The following DSCAM variants were observed in gnomAD, a reference collection of about 807,000 sequenced individuals.
DSCAM encodes the protein DS cell adhesion molecule, also known as cell adhesion molecule DSCAM.
Under a neutral mutation model 217.7 loss-of-function variants are expected in DSCAM, and 47 were observed. That is an observed-to-expected ratio of 0.22 (90% CI 0.17 to 0.28). The LOEUF (loss-of-function observed/expected upper bound fraction) is 0.28, where lower values mean the gene tolerates loss of function less well. DSCAM is among the 10% of genes least tolerant of loss of function. The pLI is 1.00. For missense variants in DSCAM, 2,080 were observed against 2,618.3 expected (o/e 0.79, Z 4.49); for synonymous variants, 1,056 against 1,015.3 (o/e 1.04, Z -0.76).
chr21:40,407,939 A>G (rs117187284), intron 3 of DSCAM, among the ~76,000 whole-genome samples: 1 of 152,366 alleles, frequency 6.6e-6, no homozygotes, highest in East Asian at 1.9e-4. Flanking sequence ...ATCCAGAGGA[A>G]TATCTTGATG....
intron 1 of DSCAM, among the ~76,000 whole-genome samples, chr21:40,753,810 G>T (rs765262449): frequency 1.3e-5 from 2 of 152,188 alleles, no homozygotes; most frequent in Non-Finnish European, 2.9e-5. Context: ...AGCAAAAAAT[G>T]AAGTTTTATA....
intron 28 of DSCAM, among the ~76,000 whole-genome samples, chr21:40,061,523 C>G (rs1238293617): frequency 6.7e-6 from 1 of 150,162 alleles, no homozygotes; most frequent in Admixed American, 6.7e-5. Context: ...GAGCCAAGAC[C>G]GCACCATTGC....
chr21:40,230,459 C>A (rs1280521586), intron 11 of DSCAM, among the ~76,000 whole-genome samples: 2 of 152,186 alleles, frequency 1.3e-5, no homozygotes, highest in Non-Finnish European at 2.9e-5. Context: ...TCTGTGAGCA[C>A]TGACCTTTTA....
At chr21:40,266,685 A>G (rs1386445869) in intron 11 of DSCAM, among the ~76,000 whole-genome samples, 3 of 120,936 alleles carry the variant, frequency 2.5e-5, no homozygotes, top group African/African-American at 9.9e-5. Context: ...TTGAAATTTT[A>G]TATATATAAA....
chr21:40,506,469 T>C (rs1384536072), intron 3 of DSCAM, among the ~76,000 whole-genome samples: 6 of 152,322 alleles, frequency 3.9e-5, no homozygotes, highest in South Asian at 2.1e-4. Context: ...TCTTGCTTCA[T>C]TGGAAAAATC....
intron 3 of DSCAM, among the ~76,000 whole-genome samples, chr21:40,627,689 C>T (rs901200823): frequency 6.6e-6 from 1 of 152,194 alleles, no homozygotes; most frequent in African/African-American, 2.4e-5. Context: ...CTTACTTAAA[C>T]TCCTTTATCA....
rs1309589197 is a variant in DSCAM at position 40,545,634 on chromosome 21, G to A, written c.508+147176C>T. ...TCCTCATCTCTAAAACAGGTGTCCTGGGACACTTGGCAGGGGTAAGAATTG... is the reference window on the plus strand; with the variant it reads ...TCCTCATCTCTAAAACAGGTGTCCTAGGACACTTGGCAGGGGTAAGAATTG... On this transcript the variant is annotated intron_variant, in intron 3 of 32. Transcript: ENST00000400454. Among the ~76,000 whole-genome samples the A allele has an allele frequency of 2.6e-5, 4 of 152,194 alleles. No homozygotes were observed. The South Asian group carries it at 8.3e-4, about 32-fold the overall frequency.
intron 3 of DSCAM, among the ~76,000 whole-genome samples, chr21:40,459,212 G>A (rs958499001): frequency 6.6e-6 from 1 of 152,138 alleles, no homozygotes; most frequent in African/African-American, 2.4e-5. Flanking sequence ...AAATTAGATT[G>A]TTGATTAAAC....
At chr21:40,151,766 GC>G (rs2090425178) in intron 16 of DSCAM, among the ~76,000 whole-genome samples, 1 of 152,164 alleles carries the variant, frequency 6.6e-6, no homozygotes, top group Admixed American at 6.5e-5. Context: ...TAGTGTGACA[GC>G]CGGGAAGTGT....
chr21:40,286,756 TGTGATCCACAGGTGGATCTGAAGC>T, intron 10 of DSCAM, among the ~76,000 whole-genome samples: 1 of 140,480 alleles, frequency 7.1e-6, no homozygotes, highest in Admixed American at 6.8e-5. Context: ...TGATCTGCAG[TGTGATCCACAGGTGGATCTGAAGC>T]GTGATCTGCA....
intron 13 of DSCAM, among the ~76,000 whole-genome samples, chr21:40,187,617 C>T (rs972072067): frequency 2.0e-5 from 3 of 152,138 alleles, no homozygotes; most frequent in African/African-American, 7.2e-5. Flanking sequence ...GAAATTCCAC[C>T]GCTGTACTTG....
chr21:40,469,584 T>C (rs2145964850), intron 3 of DSCAM, among the ~76,000 whole-genome samples: 1 of 152,348 alleles, frequency 6.6e-6, no homozygotes, highest in South Asian at 2.1e-4. Flanking sequence ...CAACTTGGCT[T>C]GACACTTAAT....
chr21:40,525,325 A>G (rs2146097250), intron 3 of DSCAM, among the ~76,000 whole-genome samples: 1 of 152,318 alleles, frequency 6.6e-6, no homozygotes, highest in African/African-American at 2.4e-5. Context: ...AGAATGAGGC[A>G]TGTCTTCCTC....
chr21:40,617,568 T>G (rs1748817531), intron 3 of DSCAM, among the ~76,000 whole-genome samples: 1 of 152,236 alleles, frequency 6.6e-6, no homozygotes. Flanking sequence ...CTAGGGTTTC[T>G]CAAGCTTGGC....
rs1330694885 is a variant in DSCAM, at chr21:40,276,230, G to A, written c.2223C>T (p.Gly741=). The change falls in exon 11 of 33, where the codon GGC becomes GGT. Residue 741 remains glycine (G), a synonymous_variant. Coordinates refer to ENST00000400454, the MANE Select transcript of DSCAM (RefSeq NM_001389.5). ...ACCCATTGCTGAGAACTTGGATTCG[G>A]CCATTTAGGGCAATTGGCTGGAACT... The part of the protein sequence containing the change: ...VPQFQPIALN[G]RIQVLSNGSL... 6.2e-7 allele frequency: 1 copy of A among 1,610,812 alleles called. No individual in the cohort carries two copies.
At position 40,665,740 on chromosome 21, in the gene DSCAM, C is replaced by T. The variant is rs569558293; in HGVS notation, c.508+27070G>A. Among the ~76,000 whole-genome samples, 5 of 152,296 alleles carry T rather than the reference C, an allele frequency of 3.3e-5. No individual in the cohort carries two copies. In the East Asian group the frequency reaches 5.8e-4, roughly 18 times the overall value. On this transcript the variant is annotated intron_variant, in intron 3 of 32. Coordinates refer to ENST00000400454, the MANE Select transcript of DSCAM (RefSeq NM_001389.5). Reference sequence around the variant, plus strand: ...TCCACCCTGGGCACCCCATCTGTGCCGGGTCTGGTCCATGGCAATGCCCAA... The same window carrying T: ...TCCACCCTGGGCACCCCATCTGTGCTGGGTCTGGTCCATGGCAATGCCCAA...
In DSCAM at chr21:40,636,594, A is replaced by G. The variant is rs1308836722; in HGVS notation, c.508+56216T>C. 5.3e-5 allele frequency among the ~76,000 whole-genome samples: 8 copies of G among 152,254 alleles called. No individual in the cohort carries two copies. In the East Asian group the frequency reaches 1.6e-3, roughly 30 times the overall value. On this transcript the variant is annotated intron_variant, in intron 3 of 32. Transcript: ENST00000400454. ...CTTTTTCCAGGGTAGTCCCTCTAAC[A>G]TAGAAAAATATGCCTTGGCATCACT... is the stretch of plus-strand genomic sequence containing the variant.
At chr21:40,654,098 AAGAAAAAG>A (rs1207648185) in intron 3 of DSCAM, among the ~76,000 whole-genome samples, 6 of 114,468 alleles carry the variant, frequency 5.2e-5, no homozygotes, top group African/African-American at 8.3e-5. Flanking sequence ...CCATCTCAAA[AAGAAAAAG>A]AAAAAAGAAA....
At chr21:40,504,029 A>T (rs940979738) in intron 3 of DSCAM, among the ~76,000 whole-genome samples, 1 of 152,202 alleles carries the variant, frequency 6.6e-6, no homozygotes, top group African/African-American at 2.4e-5. Flanking sequence ...AGAGCTCCCC[A>T]ACAGTGGCTC....
Sources: gnomAD v4.1 joint callset for allele counts (sites outside exome capture counted in the v4.1 genomes callset) on GRCh38, gnomAD v4.1.1 for gene constraint, MANE v1.5 for transcripts, NCBI Gene and HGNC (gene_info 2026-07-23, HGNC 2026-07-21) for gene names.